GALNT13: variants seen among roughly 807,000 people sequenced by gnomAD.
GALNT13 encodes the protein polypeptide N-acetylgalactosaminyltransferase 13.
A neutral mutation model predicts 64.2 loss-of-function variants in GALNT13; 28 were observed. That is an observed-to-expected ratio of 0.44 (90% CI 0.32 to 0.60). The LOEUF (loss-of-function observed/expected upper bound fraction) is 0.60, where lower values mean the gene tolerates loss of function less well. Among genes scored for constraint, GALNT13 ranks in the 20% least tolerant of loss-of-function variants. The probability of loss-of-function intolerance (pLI) is 0.05; values close to 1 mark genes in which losing one functional copy is unlikely to be tolerated. For synonymous variants in GALNT13, 214 were observed against 224.6 expected, an observed-to-expected ratio of 0.95 and a Z score of 0.42; for missense variants, 577 against 669.8, an observed-to-expected ratio of 0.86 and a Z score of 1.53.
At chr2:153,966,682 T>TG (rs967507691) in intron 3 of GALNT13, among the ~76,000 whole-genome samples, 1 of 152,092 alleles carries the variant, frequency 6.6e-6, no homozygotes, top group Non-Finnish European at 1.5e-5. Flanking sequence ...GATTTTTTTT[T>TG]TATCCTTGAC....
At chr2:153,949,803 T>C in intron 3 of GALNT13, among the ~76,000 whole-genome samples, 1 of 152,156 alleles carries the variant, frequency 6.6e-6, no homozygotes, top group East Asian at 1.9e-4. Flanking sequence ...GAACCACATG[T>C]GTACATATGT....
the GALNT13 span, among the ~76,000 whole-genome samples, chr2:153,830,793 C>T: frequency 6.6e-6 from 1 of 152,100 alleles, no homozygotes; most frequent in African/African-American, 2.4e-5. Flanking sequence ...AATAACTTTG[C>T]TTTCAGAATT....
chr2:153,403,975 A>G, the GALNT13 span, among the ~76,000 whole-genome samples: 1 of 152,138 alleles, frequency 6.6e-6, no homozygotes, highest in Admixed American at 6.5e-5. Flanking sequence ...TTTTATTTTG[A>G]AATTCTAATC....
the GALNT13 span, among the ~76,000 whole-genome samples, chr2:153,207,070 T>C: frequency 2.0e-5 from 3 of 152,122 alleles, no homozygotes; most frequent in Non-Finnish European, 4.4e-5. Context: ...TACTATCCAC[T>C]GTTTATATTA....
At chr2:154,076,079 A>G (rs1700973257) in intron 3 of GALNT13, among the ~76,000 whole-genome samples, 3 of 151,664 alleles carry the variant, frequency 2.0e-5, no homozygotes, top group Non-Finnish European at 4.4e-5. Flanking sequence ...TTACATATTT[A>G]TTGTGGGCCA....
chr2:153,609,003 G>T, the GALNT13 span, among the ~76,000 whole-genome samples: 1 of 148,242 alleles, frequency 6.7e-6, no homozygotes, highest in Non-Finnish European at 1.5e-5. Flanking sequence ...TGCAACTTCC[G>T]CCTTCAGGGC....
intron 3 of GALNT13, among the ~76,000 whole-genome samples, chr2:154,016,537 C>A (rs1697016384): frequency 6.6e-6 from 1 of 152,166 alleles, no homozygotes; most frequent in Admixed American, 6.5e-5. Context: ...CCTGCCTCAG[C>A]CTCCCCAGTA....
At chr2:154,168,674 A>T (rs1325369590) in intron 4 of GALNT13, among the ~76,000 whole-genome samples, 5 of 62,994 alleles carry the variant, frequency 7.9e-5, no homozygotes, top group African/African-American at 2.1e-4. Context: ...CTCTACTATT[A>T]AAAAAAAAAA....
the GALNT13 span, among the ~76,000 whole-genome samples, chr2:153,672,853 C>G: frequency 6.8e-6 from 1 of 147,114 alleles, no homozygotes; most frequent in Non-Finnish European, 1.5e-5. Flanking sequence ...CAACCAGACA[C>G]AATAAAAAAT....
chr2:154,269,906 G>GTATATATATATATA lies in GALNT13; in HGVS notation c.975+10774_975+10787dup, dbSNP rs67387315. 2.4e-3 allele frequency among the ~76,000 whole-genome samples: 236 copies of GTATATATATATATA among 96,672 alleles called. 5 individuals carry two copies. The highest frequency in any genetic ancestry group is 0.014 in the East Asian group (30 of 2,088). The allele number at this position is 96,672 out of a possible 152,430, so 63.4% of individuals were successfully genotyped here. On this transcript the variant is annotated intron_variant, in intron 8 of 12. Coordinates refer to ENST00000392825, the MANE Select transcript of GALNT13 (RefSeq NM_052917.4). ...GTCATATATATATTTATATATATGT[G>GTATATATATATATA]TATATATATATATATATATTTCTAA... is the stretch of plus-strand genomic sequence containing the variant.
intron 12 of GALNT13, among the ~76,000 whole-genome samples, chr2:154,439,665 C>T (rs1337853590): frequency 2.6e-5 from 4 of 152,112 alleles, no homozygotes; most frequent in Non-Finnish European, 4.4e-5. Context: ...TTAGCAAGAC[C>T]TTTTAAAAAC....
At chr2:154,164,548 A>C (rs1684915975) in intron 4 of GALNT13, among the ~76,000 whole-genome samples, 1 of 152,120 alleles carries the variant, frequency 6.6e-6, no homozygotes, top group African/African-American at 2.4e-5. Flanking sequence ...TATCCAGAGA[A>C]ACAACATATA....
chr2:153,683,990 T>TA, the GALNT13 span, among the ~76,000 whole-genome samples: 57 of 151,494 alleles, frequency 3.8e-4, no homozygotes, highest in Non-Finnish European at 6.6e-4. Flanking sequence ...AAGTCAGCAT[T>TA]AAAAAATCAC....
chr2:153,601,252 T>A, the GALNT13 span, among the ~76,000 whole-genome samples: 8 of 151,774 alleles, frequency 5.3e-5, no homozygotes, highest in Admixed American at 5.3e-4. Flanking sequence ...TCCTTAATCA[T>A]TGATGAGTTT....
the GALNT13 span, among the ~76,000 whole-genome samples, chr2:153,599,196 A>G: frequency 6.6e-6 from 1 of 152,026 alleles, no homozygotes; most frequent in African/African-American, 2.4e-5. Context: ...GCTAATTGGG[A>G]TATCCATTAT....
the GALNT13 span, among the ~76,000 whole-genome samples, chr2:153,449,024 CTCTT>C: frequency 2.6e-5 from 4 of 152,076 alleles, no homozygotes; most frequent in Non-Finnish European, 4.4e-5. Flanking sequence ...CTCCCTGTCT[CTCTT>C]TATCTCTTTG....
chr2:154,036,565 A>T (rs929813381), intron 3 of GALNT13, among the ~76,000 whole-genome samples: 1 of 152,080 alleles, frequency 6.6e-6, no homozygotes, highest in Non-Finnish European at 1.5e-5. Flanking sequence ...ATTGACCTGT[A>T]TGTTTATATG....
the GALNT13 span, among the ~76,000 whole-genome samples, chr2:153,350,609 C>CTGA: frequency 6.6e-6 from 1 of 152,024 alleles, no homozygotes; most frequent in East Asian, 1.9e-4. Flanking sequence ...TCTCGAACTC[C>CTGA]TGACTTCAGG....
the GALNT13 span, among the ~76,000 whole-genome samples, chr2:153,345,709 C>CTT: frequency 3.4e-4 from 39 of 115,728 alleles, 1 homozygote; most frequent in African/African-American, 6.9e-4. Context: ...CTTTCTCTTT[C>CTT]TCTCTTTCTG....
Sources: gnomAD v4.1 joint callset for allele counts (sites outside exome capture counted in the v4.1 genomes callset) on GRCh38, gnomAD v4.1.1 for gene constraint, MANE v1.5 for transcripts, NCBI Gene and HGNC (gene_info 2026-07-23, HGNC 2026-07-21) for gene names.